Variants in MACROD2 observed in about 807,000 individuals in gnomAD.
MACROD2 encodes the protein mono-ADP ribosylhydrolase 2.
Under a neutral mutation model 70.4 loss-of-function variants are expected in MACROD2, and 36 were observed. That is an observed-to-expected ratio of 0.51 (90% CI 0.39 to 0.68). The LOEUF (loss-of-function observed/expected upper bound fraction) is 0.68. Ranked by LOEUF, MACROD2 falls within the 30% of genes least tolerant of loss-of-function variation. The pLI is 0.00. For synonymous variants in MACROD2, 172 were observed against 178.8 expected (o/e 0.96, Z 0.30); for missense variants, 496 against 538.4 (o/e 0.92, Z 0.78).
At chr20:14,548,132 G>C (rs1978389084) in intron 4 of MACROD2, among the ~76,000 whole-genome samples, 1 of 152,166 alleles carries the variant, frequency 6.6e-6, no homozygotes, top group African/African-American at 2.4e-5. Context: ...AGGAATTATT[G>C]GGGCCATATT....
At chr20:15,225,498 G>A (rs1330275709) in intron 5 of MACROD2, among the ~76,000 whole-genome samples, 1 of 152,116 alleles carries the variant, frequency 6.6e-6, no homozygotes, top group Admixed American at 6.5e-5. Flanking sequence ...CACTCTTCTA[G>A]TAGGTAACCA....
chr20:15,924,660 T>G (rs892626618), intron 10 of MACROD2, among the ~76,000 whole-genome samples: 14 of 152,198 alleles, frequency 9.2e-5, no homozygotes, highest in African/African-American at 3.1e-4. Flanking sequence ...CTCTCCAGCA[T>G]CTTGAACGTT....
chr20:15,496,892 A>G (rs2047304735), intron 7 of MACROD2, among the ~76,000 whole-genome samples: 1 of 152,122 alleles, frequency 6.6e-6, no homozygotes, highest in South Asian at 2.1e-4. Flanking sequence ...CTTGCAGGAT[A>G]GATTGGAGAA....
chr20:15,980,299 T>C (rs555946464), intron 13 of MACROD2, among the ~76,000 whole-genome samples: 12 of 152,352 alleles, frequency 7.9e-5, no homozygotes, highest in Admixed American at 7.8e-4. Context: ...AAACAGGTAC[T>C]GAGTATAAAA....
intron 4 of MACROD2, among the ~76,000 whole-genome samples, chr20:14,589,216 A>G (rs1490260953): frequency 6.6e-6 from 1 of 152,136 alleles, no homozygotes; most frequent in East Asian, 1.9e-4. Context: ...AGTAAATCTT[A>G]TAATCACTCA....
At chr20:14,974,645 C>T (rs1600895810) in intron 5 of MACROD2, among the ~76,000 whole-genome samples, 1 of 151,758 alleles carries the variant, frequency 6.6e-6, no homozygotes, top group East Asian at 1.9e-4. Flanking sequence ...CAGGAAGTGA[C>T]CTCTAGTGAA....
At chr20:15,419,339 A>G (rs433078) in intron 6 of MACROD2, among the ~76,000 whole-genome samples, 81,626 of 151,912 alleles carry the variant, frequency 0.54, 23,576 homozygotes, top group African/African-American at 0.73. Context: ...TGCACTATAA[A>G]AGTTAGTTCC....
chr20:14,873,430 G>C (rs1215118466), intron 5 of MACROD2, among the ~76,000 whole-genome samples: 1 of 152,146 alleles, frequency 6.6e-6, no homozygotes, highest in Non-Finnish European at 1.5e-5. Flanking sequence ...TTGAGGCTCT[G>C]TGTAGGCCTT....
chr20:14,452,584 G>T (rs899971343), intron 3 of MACROD2, among the ~76,000 whole-genome samples: 3 of 152,100 alleles, frequency 2.0e-5, no homozygotes, highest in African/African-American at 7.3e-5. Context: ...ATGTAATTCA[G>T]CTCATCTTTG....
chr20:14,850,722 T>C (rs2073190786), intron 5 of MACROD2, among the ~76,000 whole-genome samples: 1 of 152,128 alleles, frequency 6.6e-6, no homozygotes, highest in Non-Finnish European at 1.5e-5. Flanking sequence ...TGTGTTTTCT[T>C]AGTTGGAATT....
chr20:14,375,266 A>C (rs560137079), intron 3 of MACROD2, among the ~76,000 whole-genome samples: 4 of 152,294 alleles, frequency 2.6e-5, no homozygotes, highest in Admixed American at 6.5e-5. Flanking sequence ...TTATTAATAA[A>C]ATATATTTAA....
chr20:13,996,959 C>G (rs891644731), intron 1 of MACROD2, among the ~76,000 whole-genome samples: 1 of 152,108 alleles, frequency 6.6e-6, no homozygotes, highest in Non-Finnish European at 1.5e-5. Flanking sequence ...ATTTTTATTG[C>G]AAGTCCCGGC....
At chr20:14,797,686 G>T (rs1793737211) in intron 5 of MACROD2, among the ~76,000 whole-genome samples, 1 of 152,076 alleles carries the variant, frequency 6.6e-6, no homozygotes, top group Admixed American at 6.6e-5. Flanking sequence ...AGCACATATA[G>T]CTGTAGATTT....
chr20:14,641,007 T>C (rs1985059781), intron 4 of MACROD2, among the ~76,000 whole-genome samples: 1 of 152,206 alleles, frequency 6.6e-6, no homozygotes, highest in Non-Finnish European at 1.5e-5. Flanking sequence ...TAGCATGCAA[T>C]GTTGTTTCAT....
At chr20:14,172,098 T>C (rs1308849053) in intron 3 of MACROD2, among the ~76,000 whole-genome samples, 4 of 152,178 alleles carry the variant, frequency 2.6e-5, no homozygotes, top group African/African-American at 9.7e-5. Flanking sequence ...TTTTCCTCTT[T>C]GTCTTTTTAA....
chr20:15,185,699 A>C (rs1157242047), intron 5 of MACROD2, among the ~76,000 whole-genome samples: 1 of 152,166 alleles, frequency 6.6e-6, no homozygotes, highest in East Asian at 1.9e-4. Flanking sequence ...GTATTGTTGG[A>C]CGTATTCAAT....
intron 5 of MACROD2, among the ~76,000 whole-genome samples, chr20:14,749,521 T>G (rs2071842380): frequency 6.6e-6 from 1 of 152,118 alleles, no homozygotes; most frequent in African/African-American, 2.4e-5. Flanking sequence ...CGAAGATTAA[T>G]CTACTATATC....
rs373338230 is a variant in MACROD2, at chr20:14,418,466, G to A, written c.272-75013G>A. ...ATCTTAGAATCTTCCAGTTGAAAAG[G>A]TCTTTGGAGACCATCTACTTCAACT... On this transcript the variant is annotated intron_variant, in intron 3 of 17. Transcript: ENST00000684519. Among the ~76,000 whole-genome samples the A allele has an allele frequency of 9.2e-5, 14 of 152,272 alleles. No homozygotes were observed. The East Asian group carries it at 2.7e-3, about 29-fold the overall frequency.
intron 6 of MACROD2, among the ~76,000 whole-genome samples, chr20:15,342,544 T>C (rs1210424126): frequency 2.0e-5 from 3 of 152,102 alleles, no homozygotes; most frequent in Non-Finnish European, 4.4e-5. Context: ...CGGACAAAAA[T>C]GTATGGGATG....
Sources: allele counts gnomAD v4.1 joint callset (sites outside exome capture counted in the v4.1 genomes callset), GRCh38; gene constraint gnomAD v4.1.1; transcripts MANE v1.5; gene names NCBI Gene and HGNC (gene_info 2026-07-23, HGNC 2026-07-21).